The following LDB1 variants were observed in gnomAD, a reference collection of about 807,000 sequenced individuals.
LDB1 encodes LIM domain-binding protein 1.
In LDB1, 6 loss-of-function variants were observed where a neutral mutation model predicts 49.7. That is an observed-to-expected ratio of 0.12 (90% CI 0.07 to 0.24). The LOEUF (loss-of-function observed/expected upper bound fraction) is 0.24. Among genes scored for constraint, LDB1 ranks in the 10% least tolerant of loss-of-function variants. The probability of loss-of-function intolerance (pLI) is 1.00; values close to 1 mark genes in which losing one functional copy is unlikely to be tolerated. For synonymous variants in LDB1, 233 were observed against 202.0 expected, an observed-to-expected ratio of 1.15 and a Z score of -1.30; for missense variants, 341 against 561.7, an observed-to-expected ratio of 0.61 and a Z score of 3.97.
chr10:102,108,908 G>A, intron 10 of LDB1, 121 bp downstream of exon 10: 1 of 1,316,812 alleles, frequency 7.6e-7, no homozygotes, highest in Non-Finnish European at 1.1e-6. Context: ...AGCCCATGCT[G>A]GCAGAGTACA....
chr10:102,117,720 T>A lies in LDB1; in HGVS notation c.25+2366A>T, dbSNP rs910889412. 2.6e-5 allele frequency among the ~76,000 whole-genome samples: 4 copies of A among 152,178 alleles called. No homozygotes were observed. Among genetic ancestry groups the A allele is most frequent in the Non-Finnish European group, 5.9e-5 (4 of 68,028 alleles). On this transcript the variant is annotated intron_variant, in intron 1 of 10. Coordinates refer to ENST00000673968, the MANE Select transcript of LDB1 (RefSeq NM_001113407.3). This position sits in a 1 kb window ranked among gnomAD's most constrained non-coding sequence, Gnocchi z 4.2. ...CCTGCCTTAACCCTTCTGAGCCACA[T>A]GCTGCCCCAGACAGGCCCTGGCCCC...
intron 1 of LDB1, among the ~76,000 whole-genome samples, chr10:102,111,852 A>G (rs2068260042): frequency 6.6e-6 from 1 of 152,124 alleles, no homozygotes; most frequent in Admixed American, 6.5e-5. Flanking sequence ...CCCTGTCTCA[A>G]AAAGAAAAAG....
Position 102,115,328 on chromosome 10 carries a change from C to T in LDB1, c.26-3792G>A, listed in dbSNP as rs190664780. Reference sequence around the variant, plus strand: ...GGCTCCTCTCTGCAGACTCCAAGATCTTCAAAGCACCTCCCAAACCTCCCC... The same window carrying T: ...GGCTCCTCTCTGCAGACTCCAAGATTTTCAAAGCACCTCCCAAACCTCCCC... On this transcript the variant is annotated intron_variant, in intron 1 of 10. Coordinates refer to ENST00000673968, the MANE Select transcript of LDB1 (RefSeq NM_001113407.3). 7.2e-4 allele frequency among the ~76,000 whole-genome samples: 110 copies of T among 152,276 alleles called. 3 individuals carry two copies. The East Asian group carries it at 0.019, about 26-fold the overall frequency.
chr10:102,112,912 GT>G (rs1564914421), intron 1 of LDB1, among the ~76,000 whole-genome samples: 1 of 152,148 alleles, frequency 6.6e-6, no homozygotes, highest in Non-Finnish European at 1.5e-5. Context: ...TAAATTCATA[GT>G]TGGGTATGAG....
At chr10:102,121,167 C>A (rs909343466), upstream of LDB1, among the ~76,000 whole-genome samples, 1 of 152,038 alleles carries the variant, frequency 6.6e-6, no homozygotes, top group Non-Finnish European at 1.5e-5. Context: ...GGAATGACCA[C>A]CAGATTGGAT....
chr10:102,110,329 G>C (rs570710555), intron 6 of LDB1, 200 bp downstream of exon 6: 2 of 643,928 alleles, frequency 3.1e-6, no homozygotes, highest in Non-Finnish European at 5.3e-6. Flanking sequence ...TTGTTCACTC[G>C]TGTAGCCTTG....
At chr10:102,108,620 C>T (rs2068203762) in intron 10 of LDB1, among the ~76,000 whole-genome samples, 1 of 152,176 alleles carries the variant, frequency 6.6e-6, no homozygotes. Context: ...CAACTTCTGT[C>T]CACATGTAAG....
rs1353556793 is a variant in LDB1, at chr10:102,109,772, G to C, written c.649-89C>G. ...ATCATCTGAGCATTGTGACACTCCTGAGAGAGGATAGTCTCTTATTAAACC... is the reference window on the plus strand; with the variant it reads ...ATCATCTGAGCATTGTGACACTCCTCAGAGAGGATAGTCTCTTATTAAACC... On this transcript the variant is annotated intron_variant, in intron 7 of 10. Coordinates refer to ENST00000673968, the MANE Select transcript of LDB1 (RefSeq NM_001113407.3). The surrounding 1 kb of genome is among the most constrained non-coding windows in gnomAD (Gnocchi z 5.8). 6 of 1,538,398 alleles carry C rather than the reference G, an allele frequency of 3.9e-6. No individual in the cohort carries two copies. The Admixed American group carries it at 1.0e-4, about 26-fold the overall frequency.
At chr10:102,118,028 G>A (rs1388753233) in intron 1 of LDB1, among the ~76,000 whole-genome samples, 2 of 152,084 alleles carry the variant, frequency 1.3e-5, no homozygotes, top group South Asian at 2.1e-4. Flanking sequence ...AGGCAGGCAG[G>A]CAGGCGGCAG....
chr10:102,121,375 C>T (rs1478052859), upstream of LDB1, among the ~76,000 whole-genome samples: 1 of 152,148 alleles, frequency 6.6e-6, no homozygotes, highest in East Asian at 1.9e-4. Flanking sequence ...GAAACAGGCC[C>T]CTCCAGTGCC....
upstream of LDB1, among the ~76,000 whole-genome samples, chr10:102,120,777 G>A (rs922186469): frequency 2.0e-5 from 3 of 152,286 alleles, no homozygotes; most frequent in African/African-American, 7.2e-5. Context: ...GCCGGATGGG[G>A]AGTCTGGCTG....
chr10:102,113,272 C>T (rs1453696441), intron 1 of LDB1, among the ~76,000 whole-genome samples: 1 of 152,214 alleles, frequency 6.6e-6, no homozygotes, highest in African/African-American at 2.4e-5. Flanking sequence ...CCTGCACACA[C>T]GTGTGCCTCA....
At chr10:102,114,924 C>T in intron 1 of LDB1, 1 of 807,856 alleles carries the variant, frequency 1.2e-6, no homozygotes, top group African/African-American at 1.9e-5. Flanking sequence ...ACGCAGCGCC[C>T]GCCGGCTGCC....
chr10:102,120,527 ATTGTCCTGC>A (rs2068405462), upstream of LDB1: 1 of 291,998 alleles, frequency 3.4e-6, no homozygotes. Flanking sequence ...TAATATGCTA[ATTGTCCTGC>A]TAGTGGGAGG....
intron 1 of LDB1, chr10:102,114,559 C>A: frequency 1.0e-6 from 1 of 985,694 alleles, no homozygotes; most frequent in Non-Finnish European, 1.2e-6. Flanking sequence ...GTCCGCCGGC[C>A]GCACAAAGAC....
In LDB1 at chr10:102,109,609, G is replaced by A. The variant is rs1348844846; in HGVS notation, c.723C>T (p.Asn241=). 6.2e-7 allele frequency: 1 copy of A among 1,613,972 alleles called. No homozygotes were observed. The highest frequency in any genetic ancestry group is 8.5e-7 in the Non-Finnish European group (1 of 1,179,986). Residue 241 remains asparagine, a synonymous_variant, in exon 8 of 11, where the codon AAC becomes AAT. Transcript: ENST00000673968. This position sits in a 1 kb window ranked among gnomAD's most constrained non-coding sequence, Gnocchi z 5.8. The stretch of plus-strand genomic sequence containing the variant: ...GTGGTCGGAGACTCACTCGGAGGTA[G>A]TTGAGAGTGGAATTGGACAGCCCAC... ...TRCGLSNSTL[N]YLRLCVILEP... is the part of the protein sequence containing the mutation.
In LDB1 at chr10:102,106,512, G is replaced by C. The variant is rs1161300323; in HGVS notation, c.*1581C>G. ...TCTCAAACCGAAAAGTCTCTTTATT[G>C]ATTGGTACCATACATGACTCAAATG... On this transcript the variant is annotated 3_prime_UTR_variant, in exon 11 of 11. Coordinates refer to ENST00000673968, the MANE Select transcript of LDB1 (RefSeq NM_001113407.3). 7.3e-5 allele frequency among the ~76,000 whole-genome samples: 8 copies of C among 109,434 alleles called. No homozygotes were observed. Among genetic ancestry groups the C allele is most frequent in the Middle Eastern group, 0.019 (2 of 106 alleles). 71.8% of individuals were successfully genotyped at this position (109,434 alleles called of 152,430 possible).
intron 1 of LDB1, among the ~76,000 whole-genome samples, chr10:102,116,215 T>A (rs552184940): frequency 6.6e-6 from 1 of 152,300 alleles, no homozygotes; most frequent in South Asian, 2.1e-4. Context: ...GGAGTCTCGC[T>A]CTGTTGCTTA....
In LDB1 at chr10:102,111,304, T is replaced by G; in HGVS notation, c.129-4A>C. On this transcript the variant is annotated splice_region_variant and splice_polypyrimidine_tract_variant and intron_variant, in intron 2 of 10. Transcript: ENST00000673968. ...AGGCGGATACATGGGAGTTGGGCTGTGTAAAGGAAGAGGCTATGAGAATGG... is the reference window on the plus strand; with the variant it reads ...AGGCGGATACATGGGAGTTGGGCTGGGTAAAGGAAGAGGCTATGAGAATGG... 1 of 1,613,946 alleles carries G rather than the reference T, an allele frequency of 6.2e-7. No homozygotes were observed. Among genetic ancestry groups the G allele is most frequent in the Admixed American group, 1.7e-5 (1 of 60,006 alleles).
Sources: gnomAD v4.1 joint callset for allele counts (sites outside exome capture counted in the v4.1 genomes callset) on GRCh38, gnomAD v4.1.1 for gene constraint, Gnocchi (gnomAD v3.1) non-coding constraint, MANE v1.5 for transcripts, NCBI Gene and HGNC (gene_info 2026-07-23, HGNC 2026-07-21) for gene names.